The following ATP12A variants were observed in gnomAD, a reference collection of about 807,000 sequenced individuals.
ATP12A encodes ATPase H+/K+ transporting non-gastric alpha2 subunit.
Under a neutral mutation model 111.2 loss-of-function variants are expected in ATP12A, and 81 were observed. That is an observed-to-expected ratio of 0.73 (90% CI 0.61 to 0.88). The LOEUF is 0.88. Among genes scored for constraint, ATP12A ranks in the 40% least tolerant of loss-of-function variants. ATP12A has a pLI of 0.00. For missense variants in ATP12A, 1,196 were observed against 1,313.1 expected, an observed-to-expected ratio of 0.91 and a Z score of 1.38; for synonymous variants, 498 against 499.8, an observed-to-expected ratio of 1.00 and a Z score of 0.05.
At chr13:24,699,550 A>C (rs966116565) in intron 12 of ATP12A, among the ~76,000 whole-genome samples, 1 of 152,228 alleles carries the variant, frequency 6.6e-6, no homozygotes. Context: ...TCATAGAGGT[A>C]GAGTTTGGTA....
chr13:24,706,947 G>A lies in ATP12A; in HGVS notation c.2170-76G>A, dbSNP rs1875679875. 3 of 1,465,052 alleles carry A rather than the reference G, an allele frequency of 2.0e-6. No homozygotes were observed. In the Admixed American group the frequency reaches 6.9e-5, roughly 34 times the overall value. 90.8% of individuals were successfully genotyped at this position (1,465,052 alleles called of 1,614,324 possible). ...CCTCGCAACCTCAAGAGAAAGGGAA[G>A]TCTTGTTGCTCTTGCCAGGCCTGCA... is the stretch of plus-strand genomic sequence containing the variant. On this transcript the variant is annotated intron_variant, in intron 15 of 22. Coordinates refer to ENST00000381946, the MANE Select transcript of ATP12A (RefSeq NM_001676.7).
At position 24,689,305 on chromosome 13, in the gene ATP12A, G is replaced by A; in HGVS notation, c.476G>A (p.Gly159Glu). 3 of 1,614,070 alleles carry A rather than the reference G, an allele frequency of 1.9e-6. No homozygotes were observed. Among genetic ancestry groups the A allele is most frequent in the Non-Finnish European group, 2.5e-6 (3 of 1,180,020 alleles). ...CVLGLVVILT[G>E]IFAYYQEAKS... Reference sequence around the variant, plus strand: ...CTTGGTCTGGTGGTCATTTTAACGGGGATCTTTGCTTATTACCAAGAGGCA... The same window carrying A: ...CTTGGTCTGGTGGTCATTTTAACGGAGATCTTTGCTTATTACCAAGAGGCA... The change falls in exon 5 of 23, where the codon GGG becomes GAG. Residue 159 changes from glycine to glutamate, a missense_variant. Gly to Glu is a moderately conservative substitution (Grantham distance 98). Around this residue, in one of 3 missense-constraint regions of ATP12A, gnomAD observed 1,126 missense variants for 1,228.5 expected, o/e 0.92. Coordinates refer to ENST00000381946, the MANE Select transcript of ATP12A (RefSeq NM_001676.7).
chr13:24,693,596 T>C (rs17081058), intron 10 of ATP12A, among the ~76,000 whole-genome samples: 37,563 of 152,182 alleles, frequency 0.25, 5,049 homozygotes, highest in East Asian at 0.51. Context: ...CCCGAATCTC[T>C]GGCTGGCTGT....
intron 2 of ATP12A, among the ~76,000 whole-genome samples, chr13:24,682,166 GTA>G (rs1874493181): frequency 8.8e-6 from 1 of 113,180 alleles, no homozygotes; most frequent in African/African-American, 4.5e-5. Context: ...TGTGGTGTGT[GTA>G]TGTGTGTGGT....
At position 24,709,681 on chromosome 13, in the gene ATP12A, A is replaced by G; in HGVS notation, c.2618-2A>G. 1.2e-6 allele frequency: 2 copies of G among 1,614,110 alleles called. No homozygotes were observed. Among genetic ancestry groups the G allele is most frequent in the South Asian group, 2.2e-5 (2 of 91,078 alleles). On this transcript the variant is annotated splice_acceptor_variant, in intron 18 of 22. Transcript: ENST00000381946. LOFTEE classifies it high-confidence loss of function. ...TGTGTCCTATCTCTCTTGTTCTTTC[A>G]GGCCTCATGCAAGCCCTGGGAGCTT...
At chr13:24,681,816 G>C (rs1874446731) in intron 2 of ATP12A, 96 bp downstream of exon 2, 1 of 1,481,988 alleles carries the variant, frequency 6.7e-7, no homozygotes, top group African/African-American at 1.4e-5. Context: ...CATTCAGTCT[G>C]AGGGATTTGA....
chr13:24,683,601 C>G (rs1355244761), intron 2 of ATP12A, among the ~76,000 whole-genome samples: 1 of 150,508 alleles, frequency 6.6e-6, no homozygotes, highest in African/African-American at 2.4e-5. Context: ...GGGCATTTGT[C>G]CGTATCTATC....
chr13:24,706,611 C>T (rs1875656652), intron 15 of ATP12A, 148 bp downstream of exon 15: 1 of 1,215,916 alleles, frequency 8.2e-7, no homozygotes. Flanking sequence ...CCTCTCCAAC[C>T]TCTCAGGTGG....
chr13:24,685,422 A>G lies in ATP12A; in HGVS notation c.228+49A>G. ...TGGAAGAGAAGCCTCCCAACTCTAC[A>G]GAGGGAAGGCTGTGTGTGGCGGGGG... On this transcript the variant is annotated intron_variant, in intron 3 of 22. Transcript: ENST00000381946. This position sits in a 1 kb window ranked among gnomAD's most constrained non-coding sequence, Gnocchi z 5.5. 1 of 1,585,636 alleles carries G rather than the reference A, an allele frequency of 6.3e-7. No individual in the cohort carries two copies.
rs764506788 is a variant in ATP12A at position 24,688,365 on chromosome 13, C to T, written c.275C>T (p.Pro92Leu). Residue 92 changes from proline to leucine, a missense_variant, in exon 4 of 23, where the codon CCC becomes CTC. Pro to Leu is a moderately conservative substitution (Grantham distance 98). Around this residue, in one of 3 missense-constraint regions of ATP12A, gnomAD observed 1,126 missense variants for 1,228.5 expected, o/e 0.92. Transcript: ENST00000381946. ...GCCGAGCTCCTGGCCCGGGATGGGC[C>T]CAACTCCCTCACCCCTCCCAAGCAG... ...RAAELLARDGPNSLTPPKQTP... is the reference protein window; with the variant it reads ...RAAELLARDGLNSLTPPKQTP... 23 of 1,613,850 alleles carry T rather than the reference C, an allele frequency of 1.4e-5. No homozygotes were observed. The highest frequency in any genetic ancestry group is 1.7e-5 in the Non-Finnish European group (20 of 1,179,960).
At chr13:24,693,015 G>C (rs954419461) in intron 10 of ATP12A, 119 bp downstream of exon 10, 16 of 889,186 alleles carry the variant, frequency 1.8e-5, no homozygotes, top group Non-Finnish European at 2.8e-5. Flanking sequence ...GTGCTTGCAA[G>C]AGCAAGTCAG....
At position 24,691,001 on chromosome 13, in the gene ATP12A, T is replaced by G; in HGVS notation, c.819T>G (p.Val273=). The G allele has an allele frequency of 1.3e-5, 21 of 1,613,846 alleles. No homozygotes were observed. Among genetic ancestry groups the G allele is most frequent in the Non-Finnish European group, 1.7e-5 (20 of 1,179,816 alleles). The change falls in exon 8 of 23, where the codon GTT becomes GTG. Residue 273 remains valine, a synonymous_variant. Coordinates refer to ENST00000381946, the MANE Select transcript of ATP12A (RefSeq NM_001676.7). ...TCLEGTVTGM[V]INTGDRTIIG... ...CTGTAGGCACTGTCACCGGCATGGT[T>G]ATCAACACGGGTGACCGCACCATCA...
At chr13:24,697,611 G>A (rs940617300) in intron 11 of ATP12A, among the ~76,000 whole-genome samples, 1 of 144,476 alleles carries the variant, frequency 6.9e-6, no homozygotes, top group African/African-American at 2.6e-5. Flanking sequence ...CTGCACTCCA[G>A]CCTGGGGCAC....
chr13:24,694,212 C>T (rs1358320889), intron 10 of ATP12A, among the ~76,000 whole-genome samples: 1 of 152,106 alleles, frequency 6.6e-6, no homozygotes, highest in African/African-American at 2.4e-5. Context: ...TGCTTTTTTC[C>T]ACGAAATCTT....
rs768798517 is a variant in ATP12A at position 24,681,724 on chromosome 13, A to G, written c.168+4A>G. 4.3e-6 allele frequency: 7 copies of G among 1,614,056 alleles called. No individual in the cohort carries two copies. In the African/African-American group the frequency reaches 5.3e-5, roughly 12 times the overall value. On this transcript the variant is annotated splice_donor_region_variant and intron_variant, in intron 2 of 22. Coordinates refer to ENST00000381946, the MANE Select transcript of ATP12A (RefSeq NM_001676.7). The stretch of plus-strand genomic sequence containing the variant: ...GTTTCAGAAAGAACTCCATCTGGTC[A>G]GTAGCCTTAAGCCACGGGGTCCTGC...
chr13:24,710,698 A>G, intron 20 of ATP12A, 94 bp from the exon 21 acceptor site: 1 of 1,602,052 alleles, frequency 6.2e-7, no homozygotes, highest in Non-Finnish European at 8.5e-7. Context: ...TTGTAACCCC[A>G]GAGGCATTGA....
At position 24,698,746 on chromosome 13, in the gene ATP12A, G is replaced by A; in HGVS notation, c.1601G>A (p.Ser534Asn). The change falls in exon 12 of 23, where the codon AGC (serine) becomes AAC (asparagine). Residue 534 changes from serine (S) to asparagine (N), a missense_variant. Coordinates refer to ENST00000381946, the MANE Select transcript of ATP12A (RefSeq NM_001676.7). ...CCTGAGCGCATCCTAGAGAAATGCA[G>A]CACCATCATGATCAACGGCGAGGAG... The part of the protein sequence containing the change: ...GAPERILEKC[S>N]TIMINGEEHP... 6.2e-7 allele frequency: 1 copy of A among 1,614,098 alleles called. No individual in the cohort carries two copies. The highest frequency in any genetic ancestry group is 8.5e-7 in the Non-Finnish European group (1 of 1,180,036).
chr13:24,705,541 C>T (rs1040024894), intron 14 of ATP12A, among the ~76,000 whole-genome samples: 6 of 152,232 alleles, frequency 3.9e-5, no homozygotes, highest in Non-Finnish European at 5.9e-5. Context: ...CTTCTGCCTA[C>T]GTAGCACATT....
Position 24,688,465 on chromosome 13 carries a change from C to A in ATP12A, c.375C>A (p.Leu125=). 3.7e-6 allele frequency: 6 copies of A among 1,613,776 alleles called. No homozygotes were observed. The highest frequency in any genetic ancestry group is 5.1e-6 in the Non-Finnish European group (6 of 1,179,872). Residue 125 remains leucine (L), a synonymous_variant, in exon 4 of 23, where the codon CTC becomes CTA. Coordinates refer to ENST00000381946, the MANE Select transcript of ATP12A (RefSeq NM_001676.7). ...FSILLWVGAF[L]CWIAYGIQYS... Reference sequence around the variant, plus strand: ...TCCTCCTGTGGGTGGGCGCCTTTCTCTGTTGGATTGCATATGGGATTCAGT... The same window carrying A: ...TCCTCCTGTGGGTGGGCGCCTTTCTATGTTGGATTGCATATGGGATTCAGT...
Sources: gnomAD v4.1 joint callset for allele counts (sites outside exome capture counted in the v4.1 genomes callset) on GRCh38, gnomAD v4.1.1 for gene constraint, gnomAD v4.1.1 regional missense constraint, Gnocchi (gnomAD v3.1) non-coding constraint, MANE v1.5 for transcripts, NCBI Gene and HGNC (gene_info 2026-07-23, HGNC 2026-07-21) for gene names.